PTPRM: variants seen among roughly 807,000 people sequenced by gnomAD.
The protein encoded by PTPRM is receptor-type tyrosine-protein phosphatase mu.
PTPRM carries 47 observed loss-of-function variants against 186.7 expected under a neutral mutation model. The observed-to-expected ratio is 0.25, with a 90% CI of 0.20 to 0.32. The LOEUF is 0.32. PTPRM is among the 10% of genes least tolerant of loss of function. The pLI, the probability that PTPRM is intolerant of heterozygous loss-of-function variation, is 1.00. For missense variants in PTPRM, 1,494 were observed against 1,865.0 expected (o/e 0.80, Z 3.66); for synonymous variants, 668 against 674.9 (o/e 0.99, Z 0.16).
intron 9 of PTPRM, 133 bp from the exon 10 acceptor site, chr18:8,085,538 G>C: frequency 1.3e-6 from 1 of 760,550 alleles, no homozygotes; most frequent in Non-Finnish European, 2.1e-6. Context: ...AGTGGATTCA[G>C]GATTTCAAGA....
intron 1 of PTPRM, among the ~76,000 whole-genome samples, chr18:7,687,519 G>T (rs1037196283): frequency 6.6e-6 from 1 of 152,016 alleles, no homozygotes; most frequent in Admixed American, 6.6e-5. Flanking sequence ...TTAAAAATCC[G>T]CTGCTACCAT....
chr18:8,023,526 T>C (rs1449258409), intron 7 of PTPRM, among the ~76,000 whole-genome samples: 1 of 152,154 alleles, frequency 6.6e-6, no homozygotes, highest in Non-Finnish European at 1.5e-5. Context: ...TAAAGTGTTT[T>C]ATCTCAAGAA....
At chr18:8,028,144 T>C (rs113675365) in intron 7 of PTPRM, among the ~76,000 whole-genome samples, 8 of 152,298 alleles carry the variant, frequency 5.3e-5, no homozygotes, top group African/African-American at 1.9e-4. Context: ...CTGGAATTAC[T>C]GGCACGTGCC....
chr18:7,768,957 T>C (rs1283011161), intron 1 of PTPRM, among the ~76,000 whole-genome samples: 6 of 152,024 alleles, frequency 3.9e-5, no homozygotes, highest in African/African-American at 1.4e-4. Flanking sequence ...ATAAAGATAA[T>C]TTTAAAGCAT....
intron 2 of PTPRM, among the ~76,000 whole-genome samples, chr18:7,797,002 T>C (rs2043694969): frequency 6.6e-6 from 1 of 152,202 alleles, no homozygotes; most frequent in South Asian, 2.1e-4. Flanking sequence ...GCATCACCAT[T>C]GGGGGTCACC....
chr18:8,327,320 T>C (rs1200977417), intron 22 of PTPRM, among the ~76,000 whole-genome samples: 6 of 152,194 alleles, frequency 3.9e-5, no homozygotes, highest in Non-Finnish European at 8.8e-5. Context: ...TGCCAGATAG[T>C]CATTTACAAT....
intron 32 of PTPRM, chr18:8,404,697 G>C (rs901312406): frequency 6.6e-6 from 1 of 152,246 alleles, no homozygotes; most frequent in Admixed American, 6.5e-5. Flanking sequence ...GATGGGTAGA[G>C]ACAGTGGTGC....
chr18:8,131,613 T>G (rs1232350546), intron 13 of PTPRM, among the ~76,000 whole-genome samples: 1 of 152,186 alleles, frequency 6.6e-6, no homozygotes, highest in Non-Finnish European at 1.5e-5. Context: ...GTGTTTATAT[T>G]TCAACAGCAT....
At chr18:7,773,570 G>GTTTTTTTTTTTTTTTTTTTTT (rs10708698) in intron 1 of PTPRM, among the ~76,000 whole-genome samples, 7 of 129,094 alleles carry the variant, frequency 5.4e-5, no homozygotes, top group Non-Finnish European at 1.2e-4. Flanking sequence ...TCTTTTCTTT[G>GTTTTTTTTTTTTTTTTTTTTT]TTTTTTTTTT....
intron 1 of PTPRM, among the ~76,000 whole-genome samples, chr18:7,684,804 T>A (rs2039561928): frequency 6.6e-6 from 1 of 152,220 alleles, no homozygotes; most frequent in African/African-American, 2.4e-5. Context: ...CTGAAATAAA[T>A]TTGGGAGTAC....
At chr18:8,148,737 G>T (rs903470360) in intron 14 of PTPRM, among the ~76,000 whole-genome samples, 1 of 151,906 alleles carries the variant, frequency 6.6e-6, no homozygotes, top group Non-Finnish European at 1.5e-5. Context: ...TTTTCATTTT[G>T]ATTTTAGGGT....
chr18:7,920,631 C>T (rs1050735022), intron 4 of PTPRM, among the ~76,000 whole-genome samples: 1 of 152,178 alleles, frequency 6.6e-6, no homozygotes. Flanking sequence ...ATAGATTGCA[C>T]ACCACAGCTG....
At chr18:8,170,741 G>A (rs1424023024) in intron 14 of PTPRM, among the ~76,000 whole-genome samples, 2 of 152,124 alleles carry the variant, frequency 1.3e-5, no homozygotes, top group African/African-American at 2.4e-5. Flanking sequence ...TCTGGCCCTG[G>A]CATTATTATT....
chr18:8,003,937 C>T (rs529267741), intron 7 of PTPRM, among the ~76,000 whole-genome samples: 1 of 152,298 alleles, frequency 6.6e-6, no homozygotes, highest in African/African-American at 2.4e-5. Flanking sequence ...CAAGTTCAGT[C>T]ATTCATTTCA....
At chr18:8,020,205 C>T (rs1438203115) in intron 7 of PTPRM, among the ~76,000 whole-genome samples, 2 of 152,220 alleles carry the variant, frequency 1.3e-5, no homozygotes, top group Admixed American at 1.3e-4. Context: ...TGCACTCTCA[C>T]TCCAATCTTT....
Position 8,216,641 on chromosome 18 carries a change from C to A in PTPRM, c.2301-27417C>A, listed in dbSNP as rs147974131. On this transcript the variant is annotated intron_variant, in intron 14 of 32. Coordinates refer to ENST00000580170, the MANE Select transcript of PTPRM (RefSeq NM_001105244.2). Reference sequence around the variant, plus strand: ...AAAACTTTCATTTGGTTACCCCTTTCAAAAATTTTGTTTTTTGTTTTTCTT... The same window carrying A: ...AAAACTTTCATTTGGTTACCCCTTTAAAAAATTTTGTTTTTTGTTTTTCTT... 2.2e-3 allele frequency among the ~76,000 whole-genome samples: 338 copies of A among 152,244 alleles called. 1 individual carries two copies. Among genetic ancestry groups the A allele is most frequent in the African/African-American group, 7.8e-3 (325 of 41,552 alleles).
At chr18:8,144,451 G>C (rs1045806067) in intron 14 of PTPRM, among the ~76,000 whole-genome samples, 6 of 152,110 alleles carry the variant, frequency 3.9e-5, no homozygotes, top group African/African-American at 1.4e-4. Context: ...ACAAAACCCT[G>C]TCTCTACAAT....
intron 2 of PTPRM, among the ~76,000 whole-genome samples, chr18:7,776,425 T>C (rs1220325032): frequency 1.3e-5 from 2 of 152,190 alleles, no homozygotes; most frequent in Admixed American, 1.3e-4. Flanking sequence ...TGGGTGCAGC[T>C]CAGATTTCTG....
intron 1 of PTPRM, among the ~76,000 whole-genome samples, chr18:7,595,509 A>G (rs763041852): frequency 2.6e-5 from 4 of 152,158 alleles, no homozygotes; most frequent in Admixed American, 6.5e-5. Flanking sequence ...TAGGGGGACA[A>G]TAATGAGATG....
Sources: gnomAD v4.1 joint callset for allele counts (sites outside exome capture counted in the v4.1 genomes callset) on GRCh38, gnomAD v4.1.1 for gene constraint, MANE v1.5 for transcripts, NCBI Gene and HGNC (gene_info 2026-07-23, HGNC 2026-07-21) for gene names.